The following RORA variants were observed in gnomAD, a reference collection of about 807,000 sequenced individuals.
The protein encoded by RORA is nuclear receptor ROR-alpha.
In RORA, 7 loss-of-function variants were observed where a neutral mutation model predicts 69.5. The observed-to-expected ratio is 0.10, with a 90% CI of 0.06 to 0.19. RORA has a LOEUF of 0.19. RORA is among the 10% of genes least tolerant of loss of function. RORA has a pLI of 1.00. For synonymous variants in RORA, 261 were observed against 240.8 expected (o/e 1.08, Z -0.78); for missense variants, 457 against 663.0 (o/e 0.69, Z 3.41).
At chr15:60,832,959 C>T (rs532514759) in intron 1 of RORA, among the ~76,000 whole-genome samples, 3 of 152,114 alleles carry the variant, frequency 2.0e-5, no homozygotes, top group Admixed American at 6.5e-5. Flanking sequence ...GGCTGGAGTG[C>T]AGTGGCGTGA....
chr15:60,635,665 G>A (rs1005700769), intron 2 of RORA, among the ~76,000 whole-genome samples: 1 of 152,188 alleles, frequency 6.6e-6, no homozygotes, highest in African/African-American at 2.4e-5. Flanking sequence ...CTTGGATAGA[G>A]GAGCTTTCAT....
At chr15:60,848,712 G>A (rs757869924) in intron 1 of RORA, 24 of 153,760 alleles carry the variant, frequency 1.6e-4, no homozygotes, top group Non-Finnish European at 2.6e-4. Flanking sequence ...AAGCAGGTAC[G>A]TCTTACGTGG....
chr15:61,203,668 G>C (rs558404625), intron 1 of RORA, among the ~76,000 whole-genome samples: 1 of 152,274 alleles, frequency 6.6e-6, no homozygotes, highest in East Asian at 1.9e-4. Context: ...GAACATTCTA[G>C]AATTAAAGGA....
At chr15:61,170,292 G>C (rs997152412) in intron 1 of RORA, among the ~76,000 whole-genome samples, 1 of 152,156 alleles carries the variant, frequency 6.6e-6, no homozygotes, top group Non-Finnish European at 1.5e-5. Flanking sequence ...GTTTTCTTGC[G>C]TTTTCTACTT....
intron 1 of RORA, among the ~76,000 whole-genome samples, chr15:60,954,453 A>G (rs1893207722): frequency 6.6e-6 from 1 of 151,860 alleles, no homozygotes; most frequent in Admixed American, 6.6e-5. Flanking sequence ...AAAAAAAAAA[A>G]AGAACTTCCC....
intron 1 of RORA, among the ~76,000 whole-genome samples, chr15:61,035,811 G>A (rs956641279): frequency 7.9e-5 from 12 of 152,178 alleles, no homozygotes; most frequent in African/African-American, 2.9e-4. Flanking sequence ...AAGCAACTGG[G>A]CAGAGAGATA....
At chr15:60,828,532 G>A (rs1203808438) in intron 1 of RORA, among the ~76,000 whole-genome samples, 1 of 152,166 alleles carries the variant, frequency 6.6e-6, no homozygotes, top group Non-Finnish European at 1.5e-5. Flanking sequence ...AGGCCGCTGA[G>A]TGTGGAGAGG....
At chr15:60,557,016 T>C in intron 2 of RORA, 1 of 1,086,138 alleles carries the variant, frequency 9.2e-7, no homozygotes, top group Non-Finnish European at 1.4e-6. Flanking sequence ...CCCAAATGCT[T>C]GAACAGCAAT....
chr15:60,722,601 A>G (rs1228559435), intron 1 of RORA, among the ~76,000 whole-genome samples: 5 of 152,238 alleles, frequency 3.3e-5, no homozygotes, highest in Non-Finnish European at 7.3e-5. Context: ...ACCTAAGGAC[A>G]TCATGTCCAC....
intron 1 of RORA, among the ~76,000 whole-genome samples, chr15:61,073,674 T>C (rs754203617): frequency 3.9e-5 from 6 of 152,208 alleles, no homozygotes; most frequent in Admixed American, 6.5e-5. Flanking sequence ...AGGTAACCAT[T>C]AAATAGGAAT....
At chr15:60,736,481 C>T (rs1567173540) in intron 1 of RORA, among the ~76,000 whole-genome samples, 2 of 152,266 alleles carry the variant, frequency 1.3e-5, no homozygotes, top group South Asian at 2.1e-4. Context: ...GACTTTTGGC[C>T]TTGTCCTCTC....
chr15:60,849,775 C>T (rs2073304587), intron 1 of RORA, among the ~76,000 whole-genome samples: 1 of 152,140 alleles, frequency 6.6e-6, no homozygotes, highest in Non-Finnish European at 1.5e-5. Context: ...AACATGTACA[C>T]AAGGATGGTT....
intron 1 of RORA, among the ~76,000 whole-genome samples, chr15:60,797,949 T>A (rs914774769): frequency 1.3e-5 from 2 of 152,130 alleles, no homozygotes; most frequent in Non-Finnish European, 2.9e-5. Context: ...AGCTTTAAAA[T>A]CAACCAGATG....
chr15:60,943,966 G>C (rs760240423), intron 1 of RORA, among the ~76,000 whole-genome samples: 11 of 134,672 alleles, frequency 8.2e-5, no homozygotes, highest in Non-Finnish European at 1.3e-4. Context: ...AAGGGGACCA[G>C]ATGAGAGCAT....
At chr15:61,069,661 C>T (rs1227424090) in intron 1 of RORA, among the ~76,000 whole-genome samples, 1 of 151,206 alleles carries the variant, frequency 6.6e-6, no homozygotes, top group Admixed American at 6.6e-5. Context: ...AAAAAGTCCC[C>T]AAGCAAAACT....
intron 1 of RORA, among the ~76,000 whole-genome samples, chr15:61,067,757 A>T (rs2078285118): frequency 1.3e-5 from 2 of 152,286 alleles, no homozygotes; most frequent in African/African-American, 4.8e-5. Flanking sequence ...GGTTCAAGGA[A>T]CAAGTCCAAG....
intron 1 of RORA, among the ~76,000 whole-genome samples, chr15:60,918,238 G>A (rs1016544417): frequency 6.6e-6 from 1 of 152,188 alleles, no homozygotes; most frequent in African/African-American, 2.4e-5. Context: ...CAGATTCAAG[G>A]AACCATGAGA....
At chr15:61,072,509 C>T (rs2078382045) in intron 1 of RORA, among the ~76,000 whole-genome samples, 1 of 152,156 alleles carries the variant, frequency 6.6e-6, no homozygotes, top group Non-Finnish European at 1.5e-5. Context: ...AGAACTACAC[C>T]CATATGACTT....
chr15:60,968,649 T>G (rs979093548), intron 1 of RORA, among the ~76,000 whole-genome samples: 8 of 151,504 alleles, frequency 5.3e-5, no homozygotes, highest in African/African-American at 1.7e-4. Context: ...ACAGAAAGGT[T>G]GCAAGCACAA....
Sources: gnomAD v4.1 joint callset for allele counts (sites outside exome capture counted in the v4.1 genomes callset) on GRCh38, gnomAD v4.1.1 for gene constraint, MANE v1.5 for transcripts, NCBI Gene and HGNC (gene_info 2026-07-23, HGNC 2026-07-21) for gene names.